Variants in OGG1 observed in about 807,000 individuals in gnomAD.
The protein encoded by OGG1 is 8-oxoguanine DNA glycosylase.
OGG1 carries 35 observed loss-of-function variants against 42.3 expected under a neutral mutation model. The ratio of observed to expected loss-of-function variants is 0.83; its 90% CI spans 0.63 to 1.10. The LOEUF (loss-of-function observed/expected upper bound fraction) is 1.10, where lower values mean the gene tolerates loss of function less well. Ranked by LOEUF, OGG1 falls within the 50% of genes least tolerant of loss-of-function variation. The pLI, the probability that OGG1 is intolerant of heterozygous loss-of-function variation, is 0.00. For missense variants in OGG1, 484 were observed against 446.7 expected (o/e 1.08, Z -0.75); for synonymous variants, 189 against 179.0 (o/e 1.06, Z -0.44).
At chr3:9,778,742 T>C (rs1286650732) in intron 2 of OGG1, among the ~76,000 whole-genome samples, 1 of 152,190 alleles carries the variant, frequency 6.6e-6, no homozygotes, top group Non-Finnish European at 1.5e-5. Flanking sequence ...ACATGCCTGC[T>C]TCTGGGACTA....
intron 2 of OGG1, among the ~76,000 whole-genome samples, chr3:9,776,547 G>A (rs775608391): frequency 7.9e-5 from 12 of 151,994 alleles, no homozygotes; most frequent in Non-Finnish European, 1.8e-4. Context: ...CCGCCACCAC[G>A]CCCGGCTAAT....
downstream of OGG1, chr3:9,759,681 T>G (rs1301431550): frequency 3.1e-6 from 5 of 1,614,106 alleles, no homozygotes; most frequent in African/African-American, 4.0e-5. Flanking sequence ...CCATGGGTGC[T>G]GCAAGGCCTG....
intron 3 of OGG1, among the ~76,000 whole-genome samples, chr3:9,753,697 CTTAG>C (rs1007337503): frequency 1.3e-5 from 2 of 151,764 alleles, no homozygotes; most frequent in Admixed American, 6.6e-5. Context: ...CAGCTCCTGG[CTTAG>C]TTAGTCATAA....
At chr3:9,790,947 T>C (rs1304381160), downstream of OGG1, among the ~76,000 whole-genome samples, 1 of 152,184 alleles carries the variant, frequency 6.6e-6, no homozygotes, top group Non-Finnish European at 1.5e-5. Flanking sequence ...TTTCTCACTT[T>C]CCTAGTTGCC....
At chr3:9,752,793 G>T (rs1413012674) in intron 3 of OGG1, among the ~76,000 whole-genome samples, 1 of 152,206 alleles carries the variant, frequency 6.6e-6, no homozygotes, top group East Asian at 1.9e-4. Context: ...GCTCACGCCT[G>T]TAATCCCAAC....
rs374618568 is a variant in OGG1 at position 9,786,978 on chromosome 3, G to C, written c.383-750G>C. On this transcript the variant is annotated intron_variant, in intron 3 of 3. Transcript: ENST00000426518. The stretch of plus-strand genomic sequence containing the variant: ...ACACATTAAAACACAAAGTAAATAT[G>C]GTTCCTCTTTTGGGTTAGGCTGCTC... The C allele has an allele frequency of 5.7e-6, 9 of 1,575,064 alleles. No individual in the cohort carries two copies. The African/African-American group carries it at 9.5e-5, about 17-fold the overall frequency.
chr3:9,767,615 C>G, downstream of OGG1: 2 of 1,612,496 alleles, frequency 1.2e-6, no homozygotes, highest in Non-Finnish European at 1.7e-6. Context: ...AAGCCCCACC[C>G]TGGACTCAGC....
chr3:9,759,755 A>AC, downstream of OGG1: 1 of 1,613,788 alleles, frequency 6.2e-7, no homozygotes, highest in African/African-American at 1.3e-5. Context: ...CTTTGGCTAA[A>AC]CCCCCAAGAC....
At chr3:9,781,348 G>C (rs780935366) in intron 2 of OGG1, among the ~76,000 whole-genome samples, 1 of 148,850 alleles carries the variant, frequency 6.7e-6, no homozygotes, top group Non-Finnish European at 1.5e-5. Context: ...CTCTCTCTCT[G>C]TCTTTCAGTT....
chr3:9,751,147 G>A lies in OGG1; in HGVS notation c.340G>A (p.Gly114Ser). The change falls in exon 2 of 7, where the codon GGT becomes AGT. Residue 114 changes from glycine to serine, a missense_variant. Physicochemically the swap from Gly to Ser is moderately conservative, Grantham distance 56. Transcript: ENST00000344629. ...CCTGGCTCAACTGTATCACCACTGG[G>A]GTTCCGTGGACTCCCACTTCCAAGA... ...VTLAQLYHHW[G>S]SVDSHFQEVA... 1.9e-6 allele frequency: 3 copies of A among 1,614,136 alleles called. No homozygotes were observed. Among genetic ancestry groups the A allele is most frequent in the Admixed American group, 1.7e-5 (1 of 60,024 alleles).
chr3:9,761,834 C>T, downstream of OGG1: 1 of 1,558,560 alleles, frequency 6.4e-7, no homozygotes, highest in Non-Finnish European at 8.7e-7. Context: ...GCTCCAAGCA[C>T]CTTCTGAGAA....
downstream of OGG1, among the ~76,000 whole-genome samples, chr3:9,768,564 G>T (rs770803409): frequency 6.6e-6 from 1 of 152,226 alleles, no homozygotes; most frequent in Admixed American, 6.5e-5. Flanking sequence ...TGGCTCCAGA[G>T]GCCCTAATGA....
At chr3:9,766,453 A>G in exon 8 of OGG1, 1 of 425,144 alleles carries the variant, frequency 2.4e-6, no homozygotes, top group South Asian at 2.1e-5. Flanking sequence ...TAGAAATGCA[A>G]AATCTCTACT....
At chr3:9,758,852 A>G (rs2077711746), downstream of OGG1, 2 of 331,404 alleles carry the variant, frequency 6.0e-6, no homozygotes, top group Admixed American at 8.6e-5. Flanking sequence ...ATGGTCTTGA[A>G]CTCCTGACCT....
rs1160369705 is a variant in OGG1, at chr3:9,766,236, CAAAG to C, written c.*406_*409del. On this transcript the variant is annotated 3_prime_UTR_variant, in exon 8 of 8. Transcript: ENST00000302008. ...AGCCTGCTTGGGAATGAAATTAACA[CAAAG>C]GAAGTCCAACCTGAGAAATGGCCAA... 2.0e-5 allele frequency: 14 copies of C among 716,428 alleles called. No individual in the cohort carries two copies. In the Admixed American group the frequency reaches 2.8e-4, roughly 14 times the overall value. 44.4% of individuals were successfully genotyped at this position (716,428 alleles called of 1,614,324 possible).
intron 3 of OGG1, chr3:9,787,257 C>T (rs770600756): frequency 3.8e-5 from 62 of 1,614,214 alleles, no homozygotes; most frequent in Middle Eastern, 3.3e-4. Context: ...CAGCCACAGC[C>T]GCTGCCCGGG....
chr3:9,756,338 AT>A, intron 4 of OGG1, 132 bp from the exon 5 acceptor site: 1 of 855,714 alleles, frequency 1.2e-6, no homozygotes, highest in South Asian at 1.4e-5. Context: ...CATAGATAGT[AT>A]CTGTTGATTG....
intron 3 of OGG1, among the ~76,000 whole-genome samples, chr3:9,781,833 C>CTTTTTTT (rs35246642): frequency 1.0e-4 from 9 of 86,890 alleles, no homozygotes; most frequent in African/African-American, 2.5e-4. Context: ...CCCATTACTT[C>CTTTTTTT]TTTTTTTTTT....
chr3:9,769,879 G>GC (rs1308858042), downstream of OGG1: 1 of 152,220 alleles, frequency 6.6e-6, no homozygotes, highest in Non-Finnish European at 1.5e-5. Context: ...GCGGTGGTTG[G>GC]CGCCGAGCTG....
Sources: allele counts gnomAD v4.1 joint callset (sites outside exome capture counted in the v4.1 genomes callset), GRCh38; gene constraint gnomAD v4.1.1; transcripts MANE v1.5; gene names NCBI Gene and HGNC (gene_info 2026-07-23, HGNC 2026-07-21).